The following CNTN5 variants were observed in gnomAD, a reference collection of about 807,000 sequenced individuals.
CNTN5 encodes contactin-5.
CNTN5 carries 77 observed loss-of-function variants against 129.1 expected under a neutral mutation model. The ratio of observed to expected loss-of-function variants is 0.60; its 90% CI spans 0.50 to 0.72. The LOEUF is 0.72. Among genes scored for constraint, CNTN5 ranks in the 30% least tolerant of loss-of-function variants. CNTN5 has a pLI of 0.00. For missense variants in CNTN5, 1,478 were observed against 1,328.8 expected, an observed-to-expected ratio of 1.11 and a Z score of -1.75; for synonymous variants, 509 against 465.6, an observed-to-expected ratio of 1.09 and a Z score of -1.20.
chr11:99,912,791 C>T (rs535690910), intron 6 of CNTN5, among the ~76,000 whole-genome samples: 1 of 151,872 alleles, frequency 6.6e-6, no homozygotes, highest in African/African-American at 2.4e-5. Flanking sequence ...AAGTCTAGGG[C>T]CCTGTGACTT....
chr11:99,163,769 C>T (rs115194860), intron 1 of CNTN5, among the ~76,000 whole-genome samples: 59 of 152,204 alleles, frequency 3.9e-4, no homozygotes, highest in African/African-American at 1.3e-3. Flanking sequence ...GTTCATTAGC[C>T]GGTTTGAATG....
intron 2 of CNTN5, among the ~76,000 whole-genome samples, chr11:99,498,062 C>A (rs1489977541): frequency 6.6e-6 from 1 of 152,080 alleles, no homozygotes; most frequent in African/African-American, 2.4e-5. Context: ...TACATGCTGC[C>A]AAGTAACATC....
intron 1 of CNTN5, among the ~76,000 whole-genome samples, chr11:99,322,550 G>T (rs2136000541): frequency 6.6e-6 from 1 of 152,130 alleles, no homozygotes; most frequent in African/African-American, 2.4e-5. Flanking sequence ...CTATGTTGTT[G>T]ATAAAAATTA....
At chr11:99,322,640 A>G (rs374134404) in intron 1 of CNTN5, among the ~76,000 whole-genome samples, 59 of 152,142 alleles carry the variant, frequency 3.9e-4, no homozygotes, top group Non-Finnish European at 5.7e-4. Context: ...ATAACACATT[A>G]AGAATAGAAA....
intron 2 of CNTN5, among the ~76,000 whole-genome samples, chr11:99,491,971 T>C (rs1178292543): frequency 1.3e-5 from 2 of 152,172 alleles, no homozygotes; most frequent in East Asian, 3.9e-4. Flanking sequence ...GAAGAAGTCA[T>C]ATAACCAACT....
chr11:99,790,411 G>A (rs559312169), intron 3 of CNTN5, among the ~76,000 whole-genome samples: 2 of 152,044 alleles, frequency 1.3e-5, no homozygotes, highest in South Asian at 4.2e-4. Context: ...CTACTTGTAA[G>A]ACCATGCTGT....
intron 3 of CNTN5, among the ~76,000 whole-genome samples, chr11:99,696,182 A>T (rs1360326919): frequency 6.6e-6 from 1 of 152,206 alleles, no homozygotes; most frequent in African/African-American, 2.4e-5. Context: ...AGCCTGGAGC[A>T]TTGTGTGAGG....
At chr11:99,991,524 C>A (rs1018475228) in intron 8 of CNTN5, among the ~76,000 whole-genome samples, 1 of 152,128 alleles carries the variant, frequency 6.6e-6, no homozygotes, top group Non-Finnish European at 1.5e-5. Flanking sequence ...CTGGTTGCAA[C>A]TGAGAAACCC....
At chr11:100,248,280 C>A (rs1269171349) in intron 16 of CNTN5, among the ~76,000 whole-genome samples, 1 of 152,128 alleles carries the variant, frequency 6.6e-6, no homozygotes, top group Non-Finnish European at 1.5e-5. Context: ...GGTAGGGTGG[C>A]TCGTGCCTGT....
At chr11:100,323,125 C>T (rs1050190254) in intron 21 of CNTN5, among the ~76,000 whole-genome samples, 7 of 152,222 alleles carry the variant, frequency 4.6e-5, no homozygotes, top group Middle Eastern at 3.4e-3. Flanking sequence ...TAAAAAGCTG[C>T]GAACTAAAAA....
chr11:99,471,005 G>A (rs563555294), intron 2 of CNTN5, among the ~76,000 whole-genome samples: 5 of 151,990 alleles, frequency 3.3e-5, no homozygotes, highest in Non-Finnish European at 7.4e-5. Context: ...ACACTTTCAG[G>A]TCTGGGTTCA....
At chr11:99,048,081 TA>T (rs201392132) in intron 1 of CNTN5, among the ~76,000 whole-genome samples, 13 of 151,538 alleles carry the variant, frequency 8.6e-5, no homozygotes, top group South Asian at 2.1e-4. Context: ...CTCTAAAGCT[TA>T]AAAAAAAATC....
At chr11:99,350,681 G>A (rs886503584) in intron 2 of CNTN5, among the ~76,000 whole-genome samples, 1 of 152,090 alleles carries the variant, frequency 6.6e-6, no homozygotes, top group Non-Finnish European at 1.5e-5. Flanking sequence ...ACACTGTGCT[G>A]CATGAAGGAA....
chr11:99,502,801 T>C (rs560911691), intron 2 of CNTN5, among the ~76,000 whole-genome samples: 1 of 152,306 alleles, frequency 6.6e-6, no homozygotes, highest in South Asian at 2.1e-4. Context: ...ATATGATGTC[T>C]CACTTTTCAT....
intron 16 of CNTN5, among the ~76,000 whole-genome samples, chr11:100,240,703 A>T (rs1390264458): frequency 6.6e-6 from 1 of 152,218 alleles, no homozygotes; most frequent in East Asian, 1.9e-4. Context: ...ATCTAAATAA[A>T]TAAAGCAAGT....
chr11:100,054,489 TTC>T (rs907911217), intron 9 of CNTN5, among the ~76,000 whole-genome samples: 72 of 151,940 alleles, frequency 4.7e-4, no homozygotes, highest in African/African-American at 1.7e-3. Context: ...ATTTTTAACG[TTC>T]TGTCTTGTAA....
rs565617182 is a variant in CNTN5 at position 99,105,031 on chromosome 11, G to A, written c.-210+83761G>A. The stretch of plus-strand genomic sequence containing the variant: ...TGATATTGCTGCTGTGAAATCACTT[G>A]ATCTGCTCTATTCTCATTAGTCTCC... On this transcript the variant is annotated intron_variant, in intron 1 of 24. Transcript: ENST00000524871. Among the ~76,000 whole-genome samples the A allele has an allele frequency of 1.3e-3, 202 of 152,162 alleles. 1 individual carries two copies. Among genetic ancestry groups the A allele is most frequent in the African/African-American group, 4.6e-3 (193 of 41,512 alleles).
At chr11:99,223,574 G>C (rs967827370) in intron 1 of CNTN5, among the ~76,000 whole-genome samples, 2 of 152,074 alleles carry the variant, frequency 1.3e-5, no homozygotes, top group African/African-American at 4.8e-5. Context: ...AGAATCATAG[G>C]TGTGAAAAGT....
intron 3 of CNTN5, among the ~76,000 whole-genome samples, chr11:99,770,302 A>G (rs946359105): frequency 2.0e-5 from 3 of 152,156 alleles, no homozygotes; most frequent in African/African-American, 7.2e-5. Context: ...AGGTACATTC[A>G]AAGAAGTCTC....
Sources: allele counts gnomAD v4.1 joint callset (sites outside exome capture counted in the v4.1 genomes callset), GRCh38; gene constraint gnomAD v4.1.1; transcripts MANE v1.5; gene names NCBI Gene and HGNC (gene_info 2026-07-23, HGNC 2026-07-21).